ACBD3: variants seen among roughly 807,000 people sequenced by gnomAD.
The protein encoded by ACBD3 is Golgi resident protein GCP60.
ACBD3 carries 30 observed loss-of-function variants against 66.9 expected under a neutral mutation model. The ratio of observed to expected loss-of-function variants is 0.45; its 90% CI spans 0.34 to 0.61. ACBD3 has a LOEUF of 0.61. Among genes scored for constraint, ACBD3 ranks in the 20% least tolerant of loss-of-function variants. ACBD3 has a pLI of 0.02. For synonymous variants in ACBD3, 278 were observed against 259.8 expected, an observed-to-expected ratio of 1.07 and a Z score of -0.68; for missense variants, 544 against 664.5, an observed-to-expected ratio of 0.82 and a Z score of 1.99.
chr1:226,147,142 G>A (rs1007912117), intron 7 of ACBD3, among the ~76,000 whole-genome samples: 2 of 152,004 alleles, frequency 1.3e-5, no homozygotes, highest in East Asian at 1.9e-4. Flanking sequence ...CACCTGCCTC[G>A]GCCTCCCAAA....
At position 226,186,703 on chromosome 1, in the gene ACBD3, G is replaced by A. The variant is rs770943289; in HGVS notation, c.-28C>T. On this transcript the variant is annotated 5_prime_UTR_variant, in exon 1 of 8. Coordinates refer to ENST00000366812, the MANE Select transcript of ACBD3 (RefSeq NM_022735.4). ...CCGGCTGCTGCACCTCCTCAGCGGG[G>A]ACAGACGGCAGCCACGTATCGACTT... 5 of 1,457,236 alleles carry A rather than the reference G, an allele frequency of 3.4e-6. No homozygotes were observed. The highest frequency in any genetic ancestry group is 2.9e-5 in the East Asian group (1 of 34,606). The allele number at this position is 1,457,236 out of a possible 1,614,324, so 90.3% of individuals were successfully genotyped here. A position where few individuals can be genotyped will look rare whatever the true frequency, so the allele number is the denominator to read the frequency against.
chr1:226,183,861 G>A (rs1016325674), intron 1 of ACBD3, among the ~76,000 whole-genome samples: 3 of 121,300 alleles, frequency 2.5e-5, no homozygotes, highest in Non-Finnish European at 3.2e-5. Flanking sequence ...TCTAGCCTGA[G>A]CAACAAGAAT....
At chr1:226,149,529 C>CTTTTTTTTTTTTTTTTTTTTTTTT (rs1170130229) in intron 7 of ACBD3, among the ~76,000 whole-genome samples, 1 of 29,596 alleles carries the variant, frequency 3.4e-5, no homozygotes, top group Non-Finnish European at 5.6e-5. Context: ...GCCCAGCCAT[C>CTTTTTTTTTTTTTTTTTTTTTTTT]TTTTTTTTTT....
At chr1:226,179,150 ATC>A (rs976317962) in intron 1 of ACBD3, among the ~76,000 whole-genome samples, 3 of 152,186 alleles carry the variant, frequency 2.0e-5, no homozygotes, top group African/African-American at 7.2e-5. Flanking sequence ...ATCTTTTGAA[ATC>A]TGTTTTGTTA....
At chr1:226,175,930 C>T (rs1656021270) in intron 1 of ACBD3, among the ~76,000 whole-genome samples, 1 of 152,202 alleles carries the variant, frequency 6.6e-6, no homozygotes, top group Admixed American at 6.6e-5. Flanking sequence ...AGAATAATGG[C>T]TCCTCAAAGA....
At chr1:226,177,916 T>C (rs1397443311) in intron 1 of ACBD3, among the ~76,000 whole-genome samples, 1 of 151,882 alleles carries the variant, frequency 6.6e-6, no homozygotes, top group Non-Finnish European at 1.5e-5. Context: ...CTAATTTTTG[T>C]GGGGTTTTTT....
intron 3 of ACBD3, among the ~76,000 whole-genome samples, chr1:226,162,239 T>C (rs1001797376): frequency 3.3e-5 from 5 of 150,020 alleles, no homozygotes; most frequent in Admixed American, 2.0e-4. Context: ...TTGCCTAATA[T>C]GTAAAGACAT....
chr1:226,173,434 A>G (rs887032451), intron 1 of ACBD3, among the ~76,000 whole-genome samples: 1 of 152,080 alleles, frequency 6.6e-6, no homozygotes, highest in Non-Finnish European at 1.5e-5. Flanking sequence ...TTTAACACAC[A>G]TTTTTAAAGT....
At chr1:226,148,590 T>TG (rs1247448673) in intron 7 of ACBD3, among the ~76,000 whole-genome samples, 1 of 152,224 alleles carries the variant, frequency 6.6e-6, no homozygotes, top group Non-Finnish European at 1.5e-5. Context: ...CTGGGATAGA[T>TG]GAAAAGGCAT....
In ACBD3 at chr1:226,152,461, A is replaced by C. The variant is rs1659595446; in HGVS notation, c.1249T>G (p.Phe417Val). ...TAATTGTCTGTGGCAAATTCCCAAA[A>C]GAGATATGATCCTTCTTCATGGGTG... ...VPTHEEGSYLFWEFATDNYDI... is the reference protein window; with the variant it reads ...VPTHEEGSYLVWEFATDNYDI... Residue 417 changes from phenylalanine (F) to valine (V), a missense_variant, in exon 7 of 8, where the codon TTT (phenylalanine) becomes GTT (valine). Transcript: ENST00000366812. 4 of 1,614,068 alleles carry C rather than the reference A, an allele frequency of 2.5e-6. No individual in the cohort carries two copies. The highest frequency in any genetic ancestry group is 3.4e-6 in the Non-Finnish European group (4 of 1,180,038).
intron 1 of ACBD3, among the ~76,000 whole-genome samples, chr1:226,173,861 A>C (rs1655943277): frequency 6.8e-6 from 1 of 148,074 alleles, no homozygotes; most frequent in African/African-American, 2.5e-5. Flanking sequence ...CCCAGGTTCA[A>C]GTGATTCTCC....
Position 226,159,179 on chromosome 1 carries a change from C to T in ACBD3, c.903+5G>A, listed in dbSNP as rs769841214. 4.3e-6 allele frequency: 7 copies of T among 1,613,830 alleles called. No individual in the cohort carries two copies. The Middle Eastern group carries it at 4.9e-4, about 114-fold the overall frequency. On this transcript the variant is annotated splice_donor_5th_base_variant and intron_variant, in intron 5 of 7. Transcript: ENST00000366812. Reference sequence around the variant, plus strand: ...AAGGCTGAATTCTAGGGTTGTCTATCGTACCTGTTGCTGTGCAAGCTGGAC... The same window carrying T: ...AAGGCTGAATTCTAGGGTTGTCTATTGTACCTGTTGCTGTGCAAGCTGGAC...
rs1659452411 is a variant in ACBD3 at position 226,146,436 on chromosome 1, T to C, written c.*174A>G. 1.6e-6 allele frequency: 1 copy of C among 613,200 alleles called. No individual in the cohort carries two copies. The highest frequency in any genetic ancestry group is 2.8e-6 in the Non-Finnish European group (1 of 353,926). The allele number at this position is 613,200 out of a possible 1,614,324, so 38.0% of individuals were successfully genotyped here. ...AGGAATCTCCTTTAACCCCAAAGTA[T>C]GAATGCTAAAGAGTCTCAAGGAAAT... On this transcript the variant is annotated 3_prime_UTR_variant, in exon 8 of 8. Transcript: ENST00000366812.
At chr1:226,183,129 A>T (rs1352730579) in intron 1 of ACBD3, among the ~76,000 whole-genome samples, 3 of 152,120 alleles carry the variant, frequency 2.0e-5, no homozygotes, top group African/African-American at 7.2e-5. Context: ...TGCTTTCAAG[A>T]TTCGTATTTA....
At chr1:226,176,429 CA>C (rs34313392) in intron 1 of ACBD3, among the ~76,000 whole-genome samples, 126 of 83,348 alleles carry the variant, frequency 1.5e-3, no homozygotes, top group South Asian at 0.013. Flanking sequence ...GACTCCGTCT[CA>C]AAAAAAAAAA....
rs117827177 is a variant in ACBD3 at position 226,182,185 on chromosome 1, C to T, written c.286+4205G>A. Among the ~76,000 whole-genome samples, 374 of 151,668 alleles carry T rather than the reference C, an allele frequency of 2.5e-3. 7 individuals are homozygous for T. In the East Asian group the frequency reaches 0.063, roughly 26 times the overall value. Reference sequence around the variant, plus strand: ...GGCATAGGGGGCAGTGAGCCAAGATCGCACTACTGCCCTCTAGCCTGCATA... The same window carrying T: ...GGCATAGGGGGCAGTGAGCCAAGATTGCACTACTGCCCTCTAGCCTGCATA... On this transcript the variant is annotated intron_variant, in intron 1 of 7. Coordinates refer to ENST00000366812, the MANE Select transcript of ACBD3 (RefSeq NM_022735.4).
At chr1:226,177,761 T>C (rs1257690141) in intron 1 of ACBD3, among the ~76,000 whole-genome samples, 1 of 151,918 alleles carries the variant, frequency 6.6e-6, no homozygotes, top group East Asian at 1.9e-4. Flanking sequence ...TTTTTTTTTT[T>C]TAGACAGGGT....
chr1:226,160,674 A>G (rs1659755135), intron 4 of ACBD3, among the ~76,000 whole-genome samples: 1 of 152,200 alleles, frequency 6.6e-6, no homozygotes, highest in African/African-American at 2.4e-5. Flanking sequence ...GGTTTAACCT[A>G]CAAGCCATGC....
At chr1:226,183,220 G>A (rs888632861) in intron 1 of ACBD3, among the ~76,000 whole-genome samples, 1 of 152,144 alleles carries the variant, frequency 6.6e-6, no homozygotes, top group Admixed American at 6.6e-5. Context: ...CTGTTGCCCA[G>A]GCTGGAGGGC....
Sources: gnomAD v4.1 joint callset for allele counts (sites outside exome capture counted in the v4.1 genomes callset) on GRCh38, gnomAD v4.1.1 for gene constraint, MANE v1.5 for transcripts, NCBI Gene and HGNC (gene_info 2026-07-23, HGNC 2026-07-21) for gene names.